Variants in ARHGAP24 observed in about 807,000 individuals in gnomAD.
ARHGAP24 encodes rho GTPase-activating protein 24.
Under a neutral mutation model 76.4 loss-of-function variants are expected in ARHGAP24, and 50 were observed. The observed-to-expected ratio is 0.65, with a 90% confidence interval of 0.52 to 0.83. ARHGAP24 has a LOEUF of 0.83. Ranked by LOEUF, ARHGAP24 falls within the 40% of genes least tolerant of loss-of-function variation. The pLI is 0.00. For missense variants in ARHGAP24, 930 were observed against 914.2 expected, an observed-to-expected ratio of 1.02 and a Z score of -0.22; for synonymous variants, 345 against 323.3, an observed-to-expected ratio of 1.07 and a Z score of -0.72.
At chr4:85,918,934 A>C (rs543682892) in intron 3 of ARHGAP24, among the ~76,000 whole-genome samples, 2 of 152,320 alleles carry the variant, frequency 1.3e-5, no homozygotes, top group South Asian at 2.1e-4. Flanking sequence ...AAATGCGAAC[A>C]AATCTAGTAT....
At chr4:85,700,685 A>G (rs775698027) in intron 2 of ARHGAP24, among the ~76,000 whole-genome samples, 16 of 152,148 alleles carry the variant, frequency 1.1e-4, no homozygotes, top group Non-Finnish European at 1.9e-4. Context: ...AGCAGTATAT[A>G]TGAATAACAA....
intron 3 of ARHGAP24, among the ~76,000 whole-genome samples, chr4:85,912,959 C>G (rs1396942952): frequency 2.0e-5 from 3 of 151,866 alleles, no homozygotes; most frequent in Non-Finnish European, 4.4e-5. Flanking sequence ...TATTAAAGAT[C>G]CTGAGAAGAG....
At chr4:85,983,770 G>A in intron 8 of ARHGAP24, among the ~76,000 whole-genome samples, 1 of 151,916 alleles carries the variant, frequency 6.6e-6, no homozygotes, top group South Asian at 2.1e-4. Context: ...ACCCAAGCAG[G>A]GTCTCTTGTC....
At chr4:85,522,136 G>T (rs1724798120) in intron 1 of ARHGAP24, among the ~76,000 whole-genome samples, 1 of 152,064 alleles carries the variant, frequency 6.6e-6, no homozygotes, top group Non-Finnish European at 1.5e-5. Context: ...AAAACAAATA[G>T]AAAAATGCAA....
intron 3 of ARHGAP24, among the ~76,000 whole-genome samples, chr4:85,871,218 A>G (rs1465080715): frequency 2.0e-5 from 3 of 152,166 alleles, no homozygotes; most frequent in African/African-American, 4.8e-5. Flanking sequence ...CCTAAAGTTA[A>G]TATAATTTAG....
At chr4:85,729,941 C>G (rs1425781648) in intron 3 of ARHGAP24, among the ~76,000 whole-genome samples, 1 of 152,150 alleles carries the variant, frequency 6.6e-6, no homozygotes, top group African/African-American at 2.4e-5. Context: ...AGATGAAATA[C>G]TGATATAAAT....
At chr4:85,824,928 A>G (rs1729642172) in intron 3 of ARHGAP24, among the ~76,000 whole-genome samples, 1 of 152,130 alleles carries the variant, frequency 6.6e-6, no homozygotes, top group South Asian at 2.1e-4. Flanking sequence ...TGTCTCTACT[A>G]AAAATATAAA....
intron 1 of ARHGAP24, among the ~76,000 whole-genome samples, chr4:85,519,937 A>G (rs566986751): frequency 5.9e-5 from 9 of 152,244 alleles, no homozygotes; most frequent in African/African-American, 1.9e-4. Flanking sequence ...TTCTGTTCAG[A>G]TGAGGTTTTT....
Position 85,995,665 on chromosome 4 carries a change from A to C in ARHGAP24, c.2003+8A>C. On this transcript the variant is annotated splice_region_variant and intron_variant, in intron 9 of 9. Coordinates refer to ENST00000395184, the MANE Select transcript of ARHGAP24 (RefSeq NM_001025616.3). ...TGAGTCCAGGATAAAGAGGTAAGGAAAATCTGGAGGTCGTAACTACCAGAG... is the reference window on the plus strand; with the variant it reads ...TGAGTCCAGGATAAAGAGGTAAGGACAATCTGGAGGTCGTAACTACCAGAG... The C allele has an allele frequency of 6.2e-7, 1 of 1,613,452 alleles. No homozygotes were observed. Among genetic ancestry groups the C allele is most frequent in the Non-Finnish European group, 8.5e-7 (1 of 1,179,578 alleles).
chr4:85,897,634 G>A (rs527426923), intron 3 of ARHGAP24, among the ~76,000 whole-genome samples: 5 of 152,330 alleles, frequency 3.3e-5, no homozygotes, highest in East Asian at 1.9e-4. Flanking sequence ...CAGCTTTACA[G>A]TTCTGTCTCC....
intron 3 of ARHGAP24, among the ~76,000 whole-genome samples, chr4:85,815,664 C>CA (rs1358358670): frequency 2.0e-5 from 3 of 152,314 alleles, no homozygotes; most frequent in Non-Finnish European, 4.4e-5. Context: ...GTAGGAAGTT[C>CA]AAAACTTTCC....
At chr4:85,937,591 G>C (rs1184444611) in intron 4 of ARHGAP24, among the ~76,000 whole-genome samples, 1 of 152,152 alleles carries the variant, frequency 6.6e-6, no homozygotes, top group Non-Finnish European at 1.5e-5. Flanking sequence ...CTATTAAAGA[G>C]TGTAGTAGTT....
chr4:85,642,057 G>A (rs1721543461), intron 2 of ARHGAP24, among the ~76,000 whole-genome samples: 1 of 152,054 alleles, frequency 6.6e-6, no homozygotes, highest in South Asian at 2.1e-4. Flanking sequence ...ATAGGTGTGG[G>A]GCAGGACCCT....
At chr4:85,973,860 T>TTTTTTTTTATA in intron 6 of ARHGAP24, among the ~76,000 whole-genome samples, 1 of 137,560 alleles carries the variant, frequency 7.3e-6, no homozygotes, top group Admixed American at 7.3e-5. Flanking sequence ...TTTTTTTTTT[T>TTTTTTTTTATA]GAGACAGAGT....
At chr4:85,934,248 G>GCCCT (rs1400752224) in intron 4 of ARHGAP24, among the ~76,000 whole-genome samples, 2 of 152,046 alleles carry the variant, frequency 1.3e-5, no homozygotes, top group Admixed American at 6.6e-5. Context: ...AACTATAAAG[G>GCCCT]CCCTCTAACA....
intron 3 of ARHGAP24, among the ~76,000 whole-genome samples, chr4:85,901,593 A>G (rs1202547697): frequency 6.6e-6 from 1 of 152,164 alleles, no homozygotes; most frequent in African/African-American, 2.4e-5. Context: ...TGGGAGGTAC[A>G]TTTTATTTAC....
intron 1 of ARHGAP24, among the ~76,000 whole-genome samples, chr4:85,542,114 G>A (rs1725727488): frequency 6.6e-6 from 1 of 152,122 alleles, no homozygotes; most frequent in African/African-American, 2.4e-5. Flanking sequence ...TCAGTCACCA[G>A]TGGCTCAATA....
chr4:85,688,999 T>C (rs1238366552), intron 2 of ARHGAP24, among the ~76,000 whole-genome samples: 1 of 152,206 alleles, frequency 6.6e-6, no homozygotes, highest in Admixed American at 6.5e-5. Context: ...TTGGCTTTGT[T>C]ACTTTTGCTT....
chr4:85,970,615 T>TA (rs2148850034), intron 5 of ARHGAP24, among the ~76,000 whole-genome samples: 2 of 152,242 alleles, frequency 1.3e-5, no homozygotes, highest in South Asian at 4.1e-4. Flanking sequence ...TCAGCTCATA[T>TA]AATTTCATAC....
Sources: allele counts gnomAD v4.1 joint callset (sites outside exome capture counted in the v4.1 genomes callset), GRCh38; gene constraint gnomAD v4.1.1; transcripts MANE v1.5; gene names NCBI Gene and HGNC (gene_info 2026-07-23, HGNC 2026-07-21).